The following PHKB variants were observed in gnomAD, a reference collection of about 807,000 sequenced individuals.
PHKB encodes phosphorylase kinase regulatory subunit beta.
A neutral mutation model predicts 152.1 loss-of-function variants in PHKB; 122 were observed. That is an observed-to-expected ratio of 0.80 (90% CI 0.69 to 0.93). The LOEUF (loss-of-function observed/expected upper bound fraction) is 0.93. PHKB is among the 40% of genes least tolerant of loss of function. The pLI is 0.00. For missense variants in PHKB, 1,304 were observed against 1,328.4 expected, an observed-to-expected ratio of 0.98 and a Z score of 0.29; for synonymous variants, 436 against 464.9, an observed-to-expected ratio of 0.94 and a Z score of 0.80.
chr16:47,571,373 G>T (rs755155788), intron 7 of PHKB, among the ~76,000 whole-genome samples: 3 of 152,138 alleles, frequency 2.0e-5, no homozygotes, highest in Non-Finnish European at 2.9e-5. Context: ...GCAGCTGGGG[G>T]CAGGGAGCTC....
chr16:47,671,301 A>G (rs935919236), intron 26 of PHKB, among the ~76,000 whole-genome samples: 1 of 152,154 alleles, frequency 6.6e-6, no homozygotes, highest in African/African-American at 2.4e-5. Flanking sequence ...ACTATGCTGT[A>G]TTTATTAATA....
Position 47,587,447 on chromosome 16 carries a change from TA to T in PHKB, c.775-220del, listed in dbSNP as rs549141410. ...GATTTATAAGAAAGTCAAGGAAAAC[TA>T]GGGAAAACAAAAATAACATTTTTAT... On this transcript the variant is annotated intron_variant, in intron 8 of 30. Transcript: ENST00000323584. 3.9e-3 allele frequency among the ~76,000 whole-genome samples: 594 copies of T among 152,260 alleles called. 4 individuals are homozygous for T. Among genetic ancestry groups the T allele is most frequent in the Non-Finnish European group, 7.0e-3 (475 of 68,012 alleles).
At chr16:47,532,513 T>C (rs1382897687) in intron 6 of PHKB, among the ~76,000 whole-genome samples, 1 of 151,988 alleles carries the variant, frequency 6.6e-6, no homozygotes, top group East Asian at 1.9e-4. Context: ...TGTGGAGTGG[T>C]GAGGGGTGTA....
intron 14 of PHKB, among the ~76,000 whole-genome samples, chr16:47,631,235 G>A (rs1452581260): frequency 6.6e-6 from 1 of 152,064 alleles, no homozygotes; most frequent in African/African-American, 2.4e-5. Context: ...GTGCCATATT[G>A]ATTTCAGACC....
At chr16:47,661,483 C>A (rs992206914) in intron 22 of PHKB, among the ~76,000 whole-genome samples, 20 of 152,098 alleles carry the variant, frequency 1.3e-4, no homozygotes, top group Admixed American at 6.5e-4. Context: ...ATTCTACCAC[C>A]CCAGGAAGCC....
At chr16:47,518,702 C>T (rs1010192151) in intron 6 of PHKB, among the ~76,000 whole-genome samples, 5 of 152,134 alleles carry the variant, frequency 3.3e-5, no homozygotes. Context: ...AGACAAAGTT[C>T]TGTAGTTCTG....
intron 6 of PHKB, among the ~76,000 whole-genome samples, chr16:47,540,103 G>C (rs1055215863): frequency 3.9e-5 from 6 of 152,048 alleles, no homozygotes; most frequent in African/African-American, 1.4e-4. Flanking sequence ...TTAATATTAA[G>C]ACCCTAGGAA....
intron 13 of PHKB, among the ~76,000 whole-genome samples, chr16:47,610,331 G>A (rs1046110834): frequency 5.3e-5 from 8 of 151,592 alleles, no homozygotes; most frequent in African/African-American, 1.9e-4. Flanking sequence ...GTCTTAAGGT[G>A]GAAAAATAGG....
At chr16:47,666,994 A>C (rs1195182840) in intron 25 of PHKB, among the ~76,000 whole-genome samples, 1 of 152,204 alleles carries the variant, frequency 6.6e-6, no homozygotes, top group Non-Finnish European at 1.5e-5. Flanking sequence ...CAATGGAATC[A>C]ACCCATTGGT....
chr16:47,577,712 C>G (rs1473133072), intron 7 of PHKB, among the ~76,000 whole-genome samples: 1 of 152,112 alleles, frequency 6.6e-6, no homozygotes, highest in Non-Finnish European at 1.5e-5. Context: ...TTCTAATAAA[C>G]AATCCGTTGT....
At chr16:47,650,973 AT>A in intron 20 of PHKB, 52 bp downstream of exon 20, 1 of 1,212,020 alleles carries the variant, frequency 8.3e-7, no homozygotes, top group Non-Finnish European at 1.2e-6. Flanking sequence ...TTAATCTACA[AT>A]ACAGCTATGT....
chr16:47,617,410 C>T (rs1390553827), intron 14 of PHKB, among the ~76,000 whole-genome samples: 1 of 151,888 alleles, frequency 6.6e-6, no homozygotes. Context: ...TCATCCTCAA[C>T]AAAACTTCTG....
At chr16:47,655,693 CT>C (rs759753749) in intron 20 of PHKB, among the ~76,000 whole-genome samples, 25 of 152,186 alleles carry the variant, frequency 1.6e-4, no homozygotes, top group Admixed American at 2.0e-4. Flanking sequence ...CTTATATATC[CT>C]TATACACAAA....
chr16:47,553,326 G>A (rs974916666), intron 7 of PHKB, among the ~76,000 whole-genome samples: 8 of 151,628 alleles, frequency 5.3e-5, no homozygotes, highest in Middle Eastern at 3.4e-3. Flanking sequence ...TGATCGATTC[G>A]GCTCTTGATA....
At chr16:47,492,546 G>T (rs1396773530) in intron 1 of PHKB, among the ~76,000 whole-genome samples, 1 of 152,196 alleles carries the variant, frequency 6.6e-6, no homozygotes, top group Non-Finnish European at 1.5e-5. Flanking sequence ...CCTTCTGGCT[G>T]GGGGAGCGGA....
intron 1 of PHKB, among the ~76,000 whole-genome samples, chr16:47,469,516 A>T (rs1361204204): frequency 6.6e-6 from 1 of 152,150 alleles, no homozygotes; most frequent in African/African-American, 2.4e-5. Flanking sequence ...ACCAAATACT[A>T]CTGCATGTTC....
intron 26 of PHKB, among the ~76,000 whole-genome samples, chr16:47,670,892 C>G (rs1973626490): frequency 6.6e-6 from 1 of 151,886 alleles, no homozygotes; most frequent in Non-Finnish European, 1.5e-5. Flanking sequence ...TTTTAAACTT[C>G]AAACATTTAC....
At chr16:47,556,069 G>C (rs1364480222) in intron 7 of PHKB, among the ~76,000 whole-genome samples, 2 of 152,012 alleles carry the variant, frequency 1.3e-5, no homozygotes, top group African/African-American at 4.8e-5. Flanking sequence ...TGATTTGGCT[G>C]TTTGTCTGTT....
At chr16:47,637,857 G>A (rs1972948927) in intron 14 of PHKB, among the ~76,000 whole-genome samples, 1 of 152,168 alleles carries the variant, frequency 6.6e-6, no homozygotes, top group South Asian at 2.1e-4. Context: ...TAAAAGCTGG[G>A]TGATCCAAGA....
Sources: allele counts gnomAD v4.1 joint callset (sites outside exome capture counted in the v4.1 genomes callset), GRCh38; gene constraint gnomAD v4.1.1; transcripts MANE v1.5; gene names NCBI Gene and HGNC (gene_info 2026-07-23, HGNC 2026-07-21).